The following ADGRB3 variants were observed in gnomAD, a reference collection of about 807,000 sequenced individuals.
ADGRB3 encodes brain-specific angiogenesis inhibitor 3.
Under a neutral mutation model 193.4 loss-of-function variants are expected in ADGRB3, and 37 were observed. The ratio of observed to expected loss-of-function variants is 0.19; its 90% CI spans 0.15 to 0.25. The LOEUF is 0.25. ADGRB3 is among the 10% of genes least tolerant of loss of function. ADGRB3 has a pLI of 1.00. For missense variants in ADGRB3, 1,637 were observed against 1,852.9 expected, an observed-to-expected ratio of 0.88 and a Z score of 2.14; for synonymous variants, 690 against 644.2, an observed-to-expected ratio of 1.07 and a Z score of -1.08.
chr6:68,645,651 C>T (rs968923563), intron 3 of ADGRB3, among the ~76,000 whole-genome samples: 4 of 151,812 alleles, frequency 2.6e-5, no homozygotes, highest in African/African-American at 4.8e-5. Flanking sequence ...TATGTTAGGC[C>T]CTCGATAAAT....
In ADGRB3 at chr6:69,111,650, G is replaced by A. The variant is rs549303365; in HGVS notation, c.2480+35612G>A. 2.6e-5 allele frequency among the ~76,000 whole-genome samples: 4 copies of A among 152,244 alleles called. No individual in the cohort carries two copies. The East Asian group carries it at 7.7e-4, about 29-fold the overall frequency. On this transcript the variant is annotated intron_variant, in intron 17 of 31. Transcript: ENST00000370598. ...GCTAACATGTTTGTCTACTTTTTTA[G>A]TCAGTTTGAGTTCAGTTTTCTGGAC...
intron 3 of ADGRB3, among the ~76,000 whole-genome samples, chr6:68,901,284 T>C (rs1766387220): frequency 6.6e-6 from 1 of 152,114 alleles, no homozygotes; most frequent in Non-Finnish European, 1.5e-5. Flanking sequence ...ACACTCATGT[T>C]GTTATATGCA....
intron 22 of ADGRB3, among the ~76,000 whole-genome samples, chr6:69,329,432 C>A (rs966289814): frequency 8.5e-5 from 13 of 152,124 alleles, no homozygotes; most frequent in African/African-American, 2.9e-4. Context: ...ATATAATTAC[C>A]TTACATACTA....
intron 8 of ADGRB3, among the ~76,000 whole-genome samples, chr6:68,967,460 T>C (rs1768416620): frequency 1.3e-5 from 2 of 152,120 alleles, no homozygotes; most frequent in South Asian, 4.1e-4. Context: ...AAGTCAGATA[T>C]AGCCCTCCAA....
At chr6:68,884,508 G>A (rs1562070895) in intron 3 of ADGRB3, among the ~76,000 whole-genome samples, 3 of 152,138 alleles carry the variant, frequency 2.0e-5, no homozygotes, top group Non-Finnish European at 1.5e-5. Context: ...GCATAAGTTA[G>A]TATTTCAGGC....
chr6:68,636,443 GATAAATAAATAAATAAATAA>G lies in ADGRB3; in HGVS notation c.-188+461_-188+480del, dbSNP rs79779792. Among the ~76,000 whole-genome samples, 3 of 145,238 alleles carry G rather than the reference GATAAATAAATAAATAAATAA, an allele frequency of 2.1e-5. No homozygotes were observed. In the East Asian group the frequency reaches 6.1e-4, roughly 30 times the overall value. ...AATGCTGGTTTGCTTCTCAGCAAGAGATAAATAAATAAATAAATAAATAAATAAATAAATAAAACATCCTT... is the reference window on the plus strand; with the variant it reads ...AATGCTGGTTTGCTTCTCAGCAAGAGATAAATAAATAAATAAAACATCCTT... On this transcript the variant is annotated intron_variant, in intron 1 of 31. Coordinates refer to ENST00000370598, the MANE Select transcript of ADGRB3 (RefSeq NM_001704.3).
chr6:69,145,451 C>T (rs1174237327), intron 17 of ADGRB3, among the ~76,000 whole-genome samples: 2 of 152,184 alleles, frequency 1.3e-5, no homozygotes, highest in Non-Finnish European at 2.9e-5. Context: ...GCTCAGGGAG[C>T]TCCTAGGTCT....
chr6:69,037,556 C>A (rs924022357), intron 13 of ADGRB3, among the ~76,000 whole-genome samples: 2 of 152,066 alleles, frequency 1.3e-5, no homozygotes, highest in African/African-American at 4.8e-5. Context: ...GTTCTTCATT[C>A]TATATAATCC....
intron 17 of ADGRB3, among the ~76,000 whole-genome samples, chr6:69,170,393 T>C (rs1261539866): frequency 2.0e-5 from 3 of 152,180 alleles, no homozygotes; most frequent in Non-Finnish European, 2.9e-5. Context: ...CTTTCAAAGC[T>C]TTCTTGGCCC....
intron 20 of ADGRB3, among the ~76,000 whole-genome samples, chr6:69,272,480 T>A (rs1397633396): frequency 6.6e-6 from 1 of 152,092 alleles, no homozygotes; most frequent in Non-Finnish European, 1.5e-5. Flanking sequence ...TTTGCCCAAG[T>A]GAAAAAGACA....
chr6:68,914,566 C>T (rs528899961), intron 3 of ADGRB3, among the ~76,000 whole-genome samples: 2 of 152,124 alleles, frequency 1.3e-5, no homozygotes, highest in Admixed American at 1.3e-4. Context: ...AAAGGAACAA[C>T]CAGTACCAGC....
intron 28 of ADGRB3, among the ~76,000 whole-genome samples, chr6:69,357,787 T>C (rs1373524489): frequency 6.6e-6 from 1 of 151,928 alleles, no homozygotes; most frequent in Non-Finnish European, 1.5e-5. Context: ...GCATTAGAAA[T>C]CACTATCTCC....
intron 17 of ADGRB3, among the ~76,000 whole-genome samples, chr6:69,087,710 T>G (rs1481990701): frequency 1.3e-5 from 2 of 152,144 alleles, no homozygotes; most frequent in Non-Finnish European, 2.9e-5. Flanking sequence ...AAAAGAATTA[T>G]TTATGAAAAA....
chr6:69,292,808 C>A (rs528867683), intron 20 of ADGRB3, among the ~76,000 whole-genome samples: 2 of 151,926 alleles, frequency 1.3e-5, no homozygotes, highest in Non-Finnish European at 2.9e-5. Flanking sequence ...CATGCTGGTG[C>A]GCTGCACCCA....
At chr6:68,830,768 G>T (rs983296870) in intron 3 of ADGRB3, among the ~76,000 whole-genome samples, 9 of 152,016 alleles carry the variant, frequency 5.9e-5, no homozygotes, top group Admixed American at 3.3e-4. Flanking sequence ...GAAGATGAAA[G>T]ATCGTAGTGA....
At chr6:69,250,138 G>A (rs952122778) in intron 20 of ADGRB3, among the ~76,000 whole-genome samples, 16 of 152,090 alleles carry the variant, frequency 1.1e-4, no homozygotes, top group Admixed American at 2.6e-4. Context: ...ATGTGTCTTT[G>A]GTAGATGATA....
rs183409987 is a variant in ADGRB3, at chr6:68,639,070, G to C, written c.395G>C (p.Arg132Pro). 51 of 1,613,762 alleles carry C rather than the reference G, an allele frequency of 3.2e-5. No individual in the cohort carries two copies. The highest frequency in any genetic ancestry group is 1.6e-4 in the Middle Eastern group (1 of 6,084). ...QYDKNFIQIRRVFPTNFPGLQ... is the reference protein window; with the variant it reads ...QYDKNFIQIRPVFPTNFPGLQ... ...GATAAAAATTTTATTCAAATACGTC[G>C]AGTATTTCCAACTAATTTCCCAGGA... Residue 132 changes from arginine (R) to proline (P), a missense_variant, in exon 3 of 32, where the codon CGA (arginine) becomes CCA (proline). By Grantham distance (103) the Arg-to-Pro change is moderately radical. Transcript: ENST00000370598.
intron 17 of ADGRB3, among the ~76,000 whole-genome samples, chr6:69,179,507 T>C (rs1275606146): frequency 6.6e-6 from 1 of 152,240 alleles, no homozygotes; most frequent in Non-Finnish European, 1.5e-5. Context: ...TTAGGGACCA[T>C]TGCTGGAGAG....
chr6:68,912,082 A>C (rs1301636558), intron 3 of ADGRB3, among the ~76,000 whole-genome samples: 1 of 152,124 alleles, frequency 6.6e-6, no homozygotes, highest in African/African-American at 2.4e-5. Flanking sequence ...GCCTGGTAAA[A>C]GAGTTCAGTT....
Sources: gnomAD v4.1 joint callset for allele counts (sites outside exome capture counted in the v4.1 genomes callset) on GRCh38, gnomAD v4.1.1 for gene constraint, MANE v1.5 for transcripts, NCBI Gene and HGNC (gene_info 2026-07-23, HGNC 2026-07-21) for gene names.